Variants in FANCL observed in about 807,000 individuals in gnomAD.
FANCL encodes FA complementation group L, also known as E3 ubiquitin-protein ligase FANCL.
In FANCL, 69 loss-of-function variants were observed where a neutral mutation model predicts 59.4. That is an observed-to-expected ratio of 1.16 (90% CI 0.96 to 1.42). The LOEUF (loss-of-function observed/expected upper bound fraction) is 1.42. FANCL is among the 40% of genes most tolerant of loss of function. The pLI, the probability that FANCL is intolerant of heterozygous loss-of-function variation, is 0.00. For missense variants in FANCL, 519 were observed against 447.2 expected (o/e 1.16, Z -1.45); for synonymous variants, 180 against 147.1 (o/e 1.22, Z -1.62).
At chr2:58,183,153 T>C (rs938859797) in intron 7 of FANCL, among the ~76,000 whole-genome samples, 26 of 151,896 alleles carry the variant, frequency 1.7e-4, no homozygotes, top group African/African-American at 6.0e-4. Context: ...ATTGATACCC[T>C]TAATATATAT....
chr2:58,241,206 C>T lies in FANCL; in HGVS notation c.96+12G>A. The T allele has an allele frequency of 1.9e-6, 3 of 1,614,130 alleles. No homozygotes were observed. The highest frequency in any genetic ancestry group is 1.7e-5 in the Admixed American group (1 of 60,032). ...GGCTCTCTTAGCTAGAAAGCAACCA[C>T]TGGGCGGGTACCTGAGCCGAGATGA... On this transcript the variant is annotated intron_variant, in intron 1 of 13. Transcript: ENST00000233741.
chr2:58,171,268 GACT>G (rs989573307), intron 7 of FANCL, among the ~76,000 whole-genome samples: 11 of 152,164 alleles, frequency 7.2e-5, no homozygotes, highest in African/African-American at 2.2e-4. Context: ...TCTCCTGAAT[GACT>G]ACTGAGTAAA....
In FANCL at chr2:58,206,768, G is replaced by A. The variant is rs140080774; in HGVS notation, c.375-2542C>T. Among the ~76,000 whole-genome samples, 184 of 152,176 alleles carry A rather than the reference G, an allele frequency of 1.2e-3. 1 individual carries two copies. The highest frequency in any genetic ancestry group is 3.8e-3 in the African/African-American group (158 of 41,516). On this transcript the variant is annotated intron_variant, in intron 5 of 13. Transcript: ENST00000233741. ...GGTTGATTTTGTTAAACTTTAAGAC[G>A]CAATTTAAATAAAGCAGTAAAAAAC...
chr2:58,226,708 GAAA>G lies in FANCL; in HGVS notation c.273+17_273+19del, dbSNP rs372101290. 54 of 1,370,756 alleles carry G rather than the reference GAAA, an allele frequency of 3.9e-5. No homozygotes were observed. In the Middle Eastern group the frequency reaches 5.7e-4, roughly 15 times the overall value. 84.9% of individuals were successfully genotyped at this position (1,370,756 alleles called of 1,614,324 possible). A position where few individuals can be genotyped will look rare whatever the true frequency, so the allele number is the denominator to read the frequency against. On this transcript the variant is annotated intron_variant, in intron 4 of 13. Transcript: ENST00000233741. ...GACTTGCAGTATGGTAACAGTGTCA[GAAA>G]AAAAAAAAATTCTTACCAAAAGCAT...
In FANCL at chr2:58,159,744, C is replaced by T; in HGVS notation, c.*21G>A. ...AATTTTTTAAGTTTCCAGCTCTTCA[C>T]CGAAATGTTGTATTCTTATTTCAGT... On this transcript the variant is annotated 3_prime_UTR_variant, in exon 14 of 14. Transcript: ENST00000233741. 1.2e-6 allele frequency: 2 copies of T among 1,612,928 alleles called. No individual in the cohort carries two copies. The highest frequency in any genetic ancestry group is 2.2e-5 in the South Asian group (2 of 90,838).
chr2:58,239,615 A>G (rs954375988), intron 1 of FANCL, among the ~76,000 whole-genome samples: 1 of 152,204 alleles, frequency 6.6e-6, no homozygotes, highest in South Asian at 2.1e-4. Flanking sequence ...AGATAATAGT[A>G]TATCATTAAA....
intron 7 of FANCL, among the ~76,000 whole-genome samples, chr2:58,183,154 TAATA>T (rs1057298543): frequency 6.6e-6 from 1 of 151,818 alleles, no homozygotes; most frequent in African/African-American, 2.4e-5. Context: ...TTGATACCCT[TAATA>T]TATATAAGGT....
chr2:58,210,902 T>A (rs558525035), intron 5 of FANCL, among the ~76,000 whole-genome samples: 1 of 152,316 alleles, frequency 6.6e-6, no homozygotes, highest in South Asian at 2.1e-4. Context: ...GCTAGACCCC[T>A]GTGATTTTGC....
intron 6 of FANCL, among the ~76,000 whole-genome samples, chr2:58,202,232 T>G (rs1416805838): frequency 8.6e-6 from 1 of 116,940 alleles, no homozygotes; most frequent in Non-Finnish European, 1.7e-5. Flanking sequence ...TACCTATACC[T>G]TTTTCCTAAA....
chr2:58,188,720 G>A (rs1014963527), intron 7 of FANCL, among the ~76,000 whole-genome samples: 12 of 151,266 alleles, frequency 7.9e-5, no homozygotes. Context: ...GATTACGGGT[G>A]TGAGACACTG....
At chr2:58,175,884 C>A (rs1573579947) in intron 7 of FANCL, among the ~76,000 whole-genome samples, 1 of 151,852 alleles carries the variant, frequency 6.6e-6, no homozygotes, top group Admixed American at 6.6e-5. Context: ...CTAGAAAACC[C>A]CATTGTCTCA....
In FANCL at chr2:58,159,551, C is replaced by CAGACTT. The variant is rs773044448; in HGVS notation, c.*208_*213dup. The CAGACTT allele has an allele frequency of 5.6e-6, 9 of 1,613,818 alleles. No homozygotes were observed. In the South Asian group the frequency reaches 8.8e-5, roughly 16 times the overall value. ...ACTTCCACAGTCAGCACGGGGATCA[C>CAGACTT]AGACTTAGAAAGTTCAACTGGACTT... On this transcript the variant is annotated 3_prime_UTR_variant, in exon 14 of 14. Transcript: ENST00000233741.
intron 7 of FANCL, among the ~76,000 whole-genome samples, chr2:58,171,685 G>C (rs1686635741): frequency 6.6e-6 from 1 of 152,226 alleles, no homozygotes; most frequent in Admixed American, 6.5e-5. Flanking sequence ...CGACGCAGAA[G>C]ACGGGTGATT....
At chr2:58,233,891 G>A (rs910929574) in intron 1 of FANCL, among the ~76,000 whole-genome samples, 1 of 151,946 alleles carries the variant, frequency 6.6e-6, no homozygotes, top group Non-Finnish European at 1.5e-5. Flanking sequence ...GACACCTTTT[G>A]GAAACTGGGT....
intron 7 of FANCL, among the ~76,000 whole-genome samples, chr2:58,180,274 T>G (rs574066750): frequency 1.6e-4 from 24 of 152,182 alleles, no homozygotes; most frequent in Non-Finnish European, 2.8e-4. Flanking sequence ...TGCATACATA[T>G]GTTTATTCCA....
chr2:58,211,638 A>C, intron 5 of FANCL, among the ~76,000 whole-genome samples: 1 of 152,228 alleles, frequency 6.6e-6, no homozygotes, highest in Middle Eastern at 3.4e-3. Flanking sequence ...TTCCCTTTTA[A>C]AACTAAATGC....
chr2:58,162,495 A>G (rs1242321293), intron 11 of FANCL, among the ~76,000 whole-genome samples: 2 of 151,860 alleles, frequency 1.3e-5, no homozygotes, highest in African/African-American at 4.8e-5. Flanking sequence ...ACTTATACAC[A>G]GATTTTTTTT....
intron 5 of FANCL, 57 bp downstream of exon 5, chr2:58,221,885 A>G: frequency 8.0e-7 from 1 of 1,248,056 alleles, no homozygotes; most frequent in Non-Finnish European, 1.2e-6. Context: ...CTAGAAATAC[A>G]TTAAGTTAAA....
chr2:58,210,928 C>G (rs1046064302), intron 5 of FANCL, among the ~76,000 whole-genome samples: 9 of 152,206 alleles, frequency 5.9e-5, no homozygotes, highest in African/African-American at 2.2e-4. Flanking sequence ...ATGGCACCCC[C>G]ACCCGGCTGA....
Sources: allele counts gnomAD v4.1 joint callset (sites outside exome capture counted in the v4.1 genomes callset), GRCh38; gene constraint gnomAD v4.1.1; transcripts MANE v1.5; gene names NCBI Gene and HGNC (gene_info 2026-07-23, HGNC 2026-07-21).